The following ADAMTS12 variants were observed in gnomAD, a reference collection of about 807,000 sequenced individuals.
ADAMTS12 encodes the protein ADAM metallopeptidase with thrombospondin type 1 motif 12.
Under a neutral mutation model 167.8 loss-of-function variants are expected in ADAMTS12, and 118 were observed. The ratio of observed to expected loss-of-function variants is 0.70; its 90% CI spans 0.61 to 0.82. The LOEUF (loss-of-function observed/expected upper bound fraction) is 0.82, where lower values mean the gene tolerates loss of function less well. Among genes scored for constraint, ADAMTS12 ranks in the 40% least tolerant of loss-of-function variants. The pLI is 0.00. For synonymous variants in ADAMTS12, 704 were observed against 716.9 expected, an observed-to-expected ratio of 0.98 and a Z score of 0.29; for missense variants, 1,916 against 1,998.8, an observed-to-expected ratio of 0.96 and a Z score of 0.79.
chr5:33,570,471 C>A (rs1250923205), intron 19 of ADAMTS12, among the ~76,000 whole-genome samples: 2 of 151,864 alleles, frequency 1.3e-5, no homozygotes, highest in African/African-American at 2.4e-5. Context: ...AATTTTCAAC[C>A]CAGAATTTCA....
chr5:33,644,914 T>C (rs1254238425), intron 9 of ADAMTS12, among the ~76,000 whole-genome samples: 1 of 152,076 alleles, frequency 6.6e-6, no homozygotes, highest in East Asian at 1.9e-4. Flanking sequence ...GTATCTGTAG[T>C]AGAGACGGGG....
At chr5:33,652,232 T>C (rs933132104) in intron 7 of ADAMTS12, among the ~76,000 whole-genome samples, 4 of 152,278 alleles carry the variant, frequency 2.6e-5, no homozygotes, top group East Asian at 3.9e-4. Flanking sequence ...TGCTAATTTA[T>C]ATTTCCAACC....
intron 5 of ADAMTS12, among the ~76,000 whole-genome samples, chr5:33,682,528 A>T (rs1213675472): frequency 6.6e-6 from 1 of 151,632 alleles, no homozygotes; most frequent in African/African-American, 2.4e-5. Context: ...AGACTTACAT[A>T]TTAAGTCTTA....
chr5:33,704,969 A>G (rs919422415), intron 3 of ADAMTS12, among the ~76,000 whole-genome samples: 1 of 151,152 alleles, frequency 6.6e-6, no homozygotes, highest in African/African-American at 2.4e-5. Flanking sequence ...TATTGTTTCA[A>G]TCTTGAGGGT....
chr5:33,873,166 T>TAA (rs77165421), intron 2 of ADAMTS12, among the ~76,000 whole-genome samples: 18 of 120,832 alleles, frequency 1.5e-4, no homozygotes, highest in African/African-American at 2.7e-4. Flanking sequence ...TATGTAGATT[T>TAA]AAAAAAAAAA....
intron 2 of ADAMTS12, among the ~76,000 whole-genome samples, chr5:33,790,486 G>C (rs2112456215): frequency 6.6e-6 from 1 of 151,438 alleles, no homozygotes; most frequent in Non-Finnish European, 1.5e-5. Flanking sequence ...CCAGGAGGCG[G>C]AGGTTGCAGA....
chr5:33,646,556 A>G (rs149284810), intron 9 of ADAMTS12, among the ~76,000 whole-genome samples: 2,180 of 152,304 alleles, frequency 0.014, 23 homozygotes, highest in Admixed American at 0.022. Flanking sequence ...CATGCTGCTC[A>G]TGAAGTCAAC....
chr5:33,846,857 C>T (rs979560594), intron 2 of ADAMTS12, among the ~76,000 whole-genome samples: 1 of 152,234 alleles, frequency 6.6e-6, no homozygotes, highest in Non-Finnish European at 1.5e-5. Flanking sequence ...TAAAATTGCA[C>T]ACCAATTAGC....
chr5:33,795,242 C>T (rs979775350), intron 2 of ADAMTS12, among the ~76,000 whole-genome samples: 1 of 152,172 alleles, frequency 6.6e-6, no homozygotes, highest in African/African-American at 2.4e-5. Context: ...TGGCACTGCC[C>T]TACCTGTAAA....
At chr5:33,575,059 C>A (rs981293413) in intron 19 of ADAMTS12, among the ~76,000 whole-genome samples, 1 of 152,070 alleles carries the variant, frequency 6.6e-6, no homozygotes, top group Non-Finnish European at 1.5e-5. Flanking sequence ...AAGACAAATA[C>A]CTAGCCAAAT....
intron 3 of ADAMTS12, among the ~76,000 whole-genome samples, chr5:33,729,022 T>C (rs1744083749): frequency 6.6e-6 from 1 of 152,244 alleles, no homozygotes; most frequent in Admixed American, 6.5e-5. Flanking sequence ...TTTGCACATA[T>C]GTGTAGGAAA....
chr5:33,649,844 G>C, intron 7 of ADAMTS12, 147 bp from the exon 8 acceptor site: 1 of 1,048,450 alleles, frequency 9.5e-7, no homozygotes, highest in Non-Finnish European at 1.3e-6. Context: ...CTTTGAAGTC[G>C]GAGGGGCATA....
At chr5:33,710,686 C>G (rs74486111) in intron 3 of ADAMTS12, among the ~76,000 whole-genome samples, 3,398 of 152,256 alleles carry the variant, frequency 0.022, 45 homozygotes, top group Non-Finnish European at 0.036. Flanking sequence ...GTGGAAGACA[C>G]GAACAGACTG....
chr5:33,629,688 T>C (rs904454405), intron 13 of ADAMTS12, among the ~76,000 whole-genome samples: 8 of 152,340 alleles, frequency 5.3e-5, no homozygotes, highest in African/African-American at 1.9e-4. Flanking sequence ...AACCTTGGAT[T>C]GGCGTCACCC....
chr5:33,841,081 C>T (rs1301419547), intron 2 of ADAMTS12, among the ~76,000 whole-genome samples: 1 of 152,150 alleles, frequency 6.6e-6, no homozygotes, highest in African/African-American at 2.4e-5. Flanking sequence ...CTTGTCCCCC[C>T]AGTCTGTGTG....
At chr5:33,804,784 C>T (rs1324908770) in intron 2 of ADAMTS12, among the ~76,000 whole-genome samples, 1 of 152,154 alleles carries the variant, frequency 6.6e-6, no homozygotes, top group African/African-American at 2.4e-5. Context: ...ATTACATATA[C>T]CTGATCCGCT....
intron 5 of ADAMTS12, among the ~76,000 whole-genome samples, chr5:33,671,913 TAC>T (rs1255347768): frequency 7.9e-6 from 1 of 126,092 alleles, no homozygotes; most frequent in African/African-American, 3.1e-5. Context: ...CATACTCACA[TAC>T]ACACACACCC....
chr5:33,795,916 TTC>T (rs1318552838), intron 2 of ADAMTS12, among the ~76,000 whole-genome samples: 4 of 152,212 alleles, frequency 2.6e-5, no homozygotes, highest in African/African-American at 9.6e-5. Context: ...GAAGAGTCCA[TTC>T]TCTCTTCCAT....
intron 12 of ADAMTS12, among the ~76,000 whole-genome samples, chr5:33,632,516 A>G (rs973926953): frequency 2.0e-5 from 3 of 152,222 alleles, no homozygotes; most frequent in African/African-American, 7.2e-5. Flanking sequence ...GATAGACTCA[A>G]AATGAGTTGA....
Sources: allele counts gnomAD v4.1 joint callset (sites outside exome capture counted in the v4.1 genomes callset), GRCh38; gene constraint gnomAD v4.1.1; transcripts MANE v1.5; gene names NCBI Gene and HGNC (gene_info 2026-07-23, HGNC 2026-07-21).